The following SUMO2 variants were observed in gnomAD, a reference collection of about 807,000 sequenced individuals.
SUMO2 encodes the protein small ubiquitin-related modifier 2.
In SUMO2, 1 loss-of-function variant was observed where a neutral mutation model predicts 16.0. The observed-to-expected ratio is 0.06, with a 90% CI of 0.02 to 0.30. The LOEUF (loss-of-function observed/expected upper bound fraction) is 0.30. SUMO2 is among the 10% of genes least tolerant of loss of function. The pLI, the probability that SUMO2 is intolerant of heterozygous loss-of-function variation, is 1.00. For synonymous variants in SUMO2, 36 were observed against 40.6 expected (o/e 0.89, Z 0.43); for missense variants, 16 against 117.5 (o/e 0.14, Z 3.99).
chr17:75,165,891 T>C lies in SUMO2; in HGVS notation c.*2448A>G, dbSNP rs1469042438. The stretch of plus-strand genomic sequence containing the variant: ...ATACAAAAAAATTAGCCGGGCATGG[T>C]GGCGGGCACCTTTAGTCCCAGCTAC... On this transcript the variant is annotated 3_prime_UTR_variant, in exon 4 of 4. Transcript: ENST00000420826. 1 of 152,046 alleles carries C rather than the reference T, an allele frequency of 6.6e-6. No homozygotes were observed. The highest frequency in any genetic ancestry group is 1.9e-4 in the East Asian group (1 of 5,156). 9.4% of individuals were successfully genotyped at this position (152,046 alleles called of 1,614,324 possible). A position where few individuals can be genotyped will look rare whatever the true frequency, so the allele number is the denominator to read the frequency against.
intron 2 of SUMO2, among the ~76,000 whole-genome samples, chr17:75,178,606 T>A (rs1351699758): frequency 6.6e-6 from 1 of 152,094 alleles, no homozygotes; most frequent in Admixed American, 6.6e-5. Context: ...TCTCATTCTG[T>A]CACCCACACT....
intron 2 of SUMO2, among the ~76,000 whole-genome samples, chr17:75,175,665 C>T (rs953418346): frequency 1.3e-5 from 2 of 151,790 alleles, no homozygotes; most frequent in African/African-American, 4.8e-5. Flanking sequence ...CAGAGTTTTG[C>T]TATGTCGCCC....
chr17:75,182,907 G>C lies in SUMO2; in HGVS notation c.-73C>G. The C allele has an allele frequency of 8.0e-7, 1 of 1,242,538 alleles. No homozygotes were observed. The highest frequency in any genetic ancestry group is 1.0e-6 in the Non-Finnish European group (1 of 968,494). The allele number at this position is 1,242,538 out of a possible 1,614,324, so 77.0% of individuals were successfully genotyped here. A position where few individuals can be genotyped will look rare whatever the true frequency, so the allele number is the denominator to read the frequency against. ...AGGTCCGCACCAAACGAGCACACAA[G>C]CAGCACCAGGAGCGGCAGAAGAAGG... On this transcript the variant is annotated 5_prime_UTR_variant, in exon 1 of 4. Transcript: ENST00000420826.
At chr17:75,173,401 C>T (rs376465275) in intron 3 of SUMO2, among the ~76,000 whole-genome samples, 14 of 152,114 alleles carry the variant, frequency 9.2e-5, no homozygotes, top group Non-Finnish European at 7.3e-5. Flanking sequence ...CTCAAGCAAC[C>T]CTCCTGCCAG....
intron 3 of SUMO2, among the ~76,000 whole-genome samples, chr17:75,172,993 G>A (rs2074753843): frequency 6.6e-6 from 1 of 152,026 alleles, no homozygotes; most frequent in South Asian, 2.1e-4. Flanking sequence ...ACAACTCAGG[G>A]GCTTTTCCAA....
rs867958698 is a variant in SUMO2, at chr17:75,169,386, T to A, written c.226-985A>T. ...ACACCCCATCCCTATTAAAAAAAAA[T>A]TTTTTTTTTTTTTTTGAGACGGAGT... On this transcript the variant is annotated intron_variant, in intron 3 of 3. Transcript: ENST00000420826. Among the ~76,000 whole-genome samples, 967 of 137,704 alleles carry A rather than the reference T, an allele frequency of 7.0e-3. 6 individuals are homozygous for A. Among genetic ancestry groups the A allele is most frequent in the African/African-American group, 0.025 (883 of 35,112 alleles). The allele number at this position is 137,704 out of a possible 152,430, so 90.3% of individuals were successfully genotyped here.
intron 3 of SUMO2, among the ~76,000 whole-genome samples, chr17:75,173,168 A>G (rs990913417): frequency 4.6e-5 from 7 of 152,062 alleles, no homozygotes; most frequent in African/African-American, 1.7e-4. Flanking sequence ...AGAAACTGTA[A>G]GTCTTCTATT....
Position 75,180,250 on chromosome 17 carries a change from G to A in SUMO2, c.153+807C>T, listed in dbSNP as rs528974942. Among the ~76,000 whole-genome samples, 5 of 151,840 alleles carry A rather than the reference G, an allele frequency of 3.3e-5. No individual in the cohort carries two copies. In the East Asian group the frequency reaches 7.8e-4, roughly 24 times the overall value. ...AATAGCCTCAACTCAGGAGGCAGAGGTTGCAGTGAGCCAAGATTGCACCAC... is the reference window on the plus strand; with the variant it reads ...AATAGCCTCAACTCAGGAGGCAGAGATTGCAGTGAGCCAAGATTGCACCAC... On this transcript the variant is annotated intron_variant, in intron 2 of 3. Transcript: ENST00000420826.
chr17:75,180,922 CAAA>C, intron 2 of SUMO2, 132 bp downstream of exon 2: 1 of 1,013,566 alleles, frequency 9.9e-7, no homozygotes, highest in South Asian at 1.6e-5. Context: ...AAGTGCACGA[CAAA>C]ACTGACGTGC....
intron 3 of SUMO2, among the ~76,000 whole-genome samples, chr17:75,173,360 A>G (rs1460809119): frequency 6.6e-6 from 1 of 151,866 alleles, no homozygotes; most frequent in East Asian, 1.9e-4. Flanking sequence ...AGGTCTTGCT[A>G]TATTGCCCAG....
intron 2 of SUMO2, among the ~76,000 whole-genome samples, chr17:75,179,447 G>C (rs752369851): frequency 1.1e-4 from 16 of 150,772 alleles, no homozygotes; most frequent in Non-Finnish European, 2.2e-4. Flanking sequence ...AGAATCGCTT[G>C]GTCTCGGGAG....
chr17:75,170,047 CACGCCTGT>C (rs555357432), intron 3 of SUMO2, among the ~76,000 whole-genome samples: 1 of 149,080 alleles, frequency 6.7e-6, no homozygotes, highest in African/African-American at 2.5e-5. Context: ...CGCACGCCTG[CACGCCTGT>C]AATCCCAGCT....
intron 1 of SUMO2, chr17:75,182,588 T>A: frequency 9.9e-6 from 3 of 301,650 alleles, no homozygotes; most frequent in Non-Finnish European, 1.2e-5. Context: ...CGGCGCGCAC[T>A]CGGAGGCCGC....
chr17:75,182,768 T>A, intron 1 of SUMO2, 46 bp downstream of exon 1: 3 of 1,301,720 alleles, frequency 2.3e-6, no homozygotes, highest in Non-Finnish European at 2.9e-6. Flanking sequence ...GCCCGCGCCA[T>A]GACCCCCACC....
chr17:75,173,242 C>T (rs150404129), intron 3 of SUMO2, among the ~76,000 whole-genome samples: 52 of 152,208 alleles, frequency 3.4e-4, no homozygotes, highest in African/African-American at 1.1e-3. Context: ...TAACTCACTG[C>T]GGCCTGAAAC....
chr17:75,170,169 T>G (rs923578304), intron 3 of SUMO2, among the ~76,000 whole-genome samples: 1 of 151,548 alleles, frequency 6.6e-6, no homozygotes, highest in South Asian at 2.1e-4. Flanking sequence ...CTCAAAAAAA[T>G]TAAATAAATG....
Position 75,166,769 on chromosome 17 carries a change from G to A in SUMO2, c.*1570C>T, listed in dbSNP as rs2074696316. On this transcript the variant is annotated 3_prime_UTR_variant, in exon 4 of 4. Coordinates refer to ENST00000420826, the MANE Select transcript of SUMO2 (RefSeq NM_006937.4). ...TTGCACCACTCCAGACTAGGCAACA[G>A]AGGCATAACCTCTTTCAAAAAGACC... 1 of 151,310 alleles carries A rather than the reference G, an allele frequency of 6.6e-6. No individual in the cohort carries two copies. The highest frequency in any genetic ancestry group is 2.0e-4 in the East Asian group (1 of 5,016). The allele number at this position is 151,310 out of a possible 1,614,324, so 9.4% of individuals were successfully genotyped here. A position where few individuals can be genotyped will look rare whatever the true frequency, so the allele number is the denominator to read the frequency against.
At chr17:75,182,664 A>G in intron 1 of SUMO2, 150 bp downstream of exon 1, 1 of 541,228 alleles carries the variant, frequency 1.8e-6, no homozygotes, top group Non-Finnish European at 2.7e-6. Context: ...GAGGGAGGAA[A>G]ATGGCGCGGA....
chr17:75,174,119 T>C (rs2074763387), intron 3 of SUMO2, among the ~76,000 whole-genome samples: 1 of 152,200 alleles, frequency 6.6e-6, no homozygotes, highest in Non-Finnish European at 1.5e-5. Context: ...CTGGGTGCGG[T>C]GGCTCACACC....
Sources: allele counts gnomAD v4.1 joint callset (sites outside exome capture counted in the v4.1 genomes callset), GRCh38; gene constraint gnomAD v4.1.1; transcripts MANE v1.5; gene names NCBI Gene and HGNC (gene_info 2026-07-23, HGNC 2026-07-21).